UPP2: variants seen among roughly 807,000 people sequenced by gnomAD.
UPP2 encodes UPase 2.
A neutral mutation model predicts 26.7 loss-of-function variants in UPP2; 23 were observed. The observed-to-expected ratio is 0.86, with a 90% CI of 0.62 to 1.22. The LOEUF is 1.22. Among genes scored for constraint, UPP2 ranks in the 50% most tolerant of loss-of-function variants. UPP2 has a pLI of 0.00. For synonymous variants in UPP2, 127 were observed against 141.3 expected (o/e 0.90, Z 0.72); for missense variants, 387 against 396.7 (o/e 0.98, Z 0.21).
At chr2:158,035,342 A>C (rs1683984302) in intron 3 of UPP2, among the ~76,000 whole-genome samples, 1 of 151,962 alleles carries the variant, frequency 6.6e-6, no homozygotes, top group Non-Finnish European at 1.5e-5. Context: ...TTTTTAGTGG[A>C]TACGGGGTTT....
chr2:158,123,084 C>T (rs1032865750), intron 5 of UPP2, among the ~76,000 whole-genome samples: 1 of 152,186 alleles, frequency 6.6e-6, no homozygotes, highest in Non-Finnish European at 1.5e-5. Flanking sequence ...ATTAGGAGGT[C>T]TATTTCTGGG....
intron 3 of UPP2, among the ~76,000 whole-genome samples, chr2:158,091,539 A>G (rs754041002): frequency 3.5e-4 from 53 of 152,252 alleles, no homozygotes; most frequent in Non-Finnish European, 6.3e-4. Context: ...AATGCATGGT[A>G]TATTTGTTAC....
At chr2:158,087,485 C>T (rs1161953934) in intron 3 of UPP2, among the ~76,000 whole-genome samples, 2 of 152,142 alleles carry the variant, frequency 1.3e-5, no homozygotes, top group Non-Finnish European at 2.9e-5. Context: ...CATTTACATT[C>T]AATTTTAGTA....
intron 6 of UPP2, among the ~76,000 whole-genome samples, chr2:158,124,866 T>C (rs549439435): frequency 6.0e-4 from 91 of 152,232 alleles, no homozygotes; most frequent in Non-Finnish European, 1.1e-3. Flanking sequence ...GTAGTAGACA[T>C]CAAAATGGAG....
At position 158,070,671 on chromosome 2, in the gene UPP2, CAACT is replaced by C. The variant is rs1233780624; in HGVS notation, c.148-31363_148-31360del. 5.3e-5 allele frequency among the ~76,000 whole-genome samples: 8 copies of C among 152,312 alleles called. No homozygotes were observed. In the South Asian group the frequency reaches 1.5e-3, roughly 28 times the overall value. ...CCCCCAAAGGAACACAAAATTTTAA[CAACT>C]AACTACAAACAAAAATGCACTGTCA... On this transcript the variant is annotated intron_variant, in intron 3 of 9. Transcript: ENST00000605860.
chr2:158,045,052 C>T (rs1341956943), intron 3 of UPP2, among the ~76,000 whole-genome samples: 1 of 152,108 alleles, frequency 6.6e-6, no homozygotes, highest in Admixed American at 6.5e-5. Context: ...CACCTTTTTC[C>T]TGAATGTATT....
upstream of UPP2, among the ~76,000 whole-genome samples, chr2:158,098,181 C>T (rs1055322597): frequency 5.9e-5 from 9 of 152,086 alleles, no homozygotes; most frequent in Non-Finnish European, 1.3e-4. Flanking sequence ...AGGGTCTCCT[C>T]TTTTAATTAT....
chr2:158,055,898 T>C (rs1682238526), intron 3 of UPP2, among the ~76,000 whole-genome samples: 1 of 152,208 alleles, frequency 6.6e-6, no homozygotes, highest in Non-Finnish European at 1.5e-5. Context: ...CCTCCTTCCC[T>C]GGATGGCAAG....
At chr2:158,132,269 G>T (rs1466177783) in intron 6 of UPP2, among the ~76,000 whole-genome samples, 2 of 152,202 alleles carry the variant, frequency 1.3e-5, no homozygotes, top group African/African-American at 2.4e-5. Flanking sequence ...GAACAAGAGG[G>T]TCAGTCTGAC....
intron 3 of UPP2, among the ~76,000 whole-genome samples, chr2:158,063,330 C>T (rs1682381725): frequency 1.3e-5 from 2 of 152,218 alleles, no homozygotes; most frequent in South Asian, 2.1e-4. Flanking sequence ...TGATTCATTG[C>T]TGTATTCTTA....
In UPP2 at chr2:158,038,076, C is replaced by T. The variant is rs375158758; in HGVS notation, c.147+22190C>T. Among the ~76,000 whole-genome samples the T allele has an allele frequency of 1.4e-4, 21 of 152,300 alleles. 1 individual carries two copies. Among genetic ancestry groups the T allele is most frequent in the African/African-American group, 2.6e-4 (11 of 41,558 alleles). Reference sequence around the variant, plus strand: ...CTGCTCTGATTAGAATGTCAACAGTCGCCTAAAAGACAAAGGCTCTATATT... The same window carrying T: ...CTGCTCTGATTAGAATGTCAACAGTTGCCTAAAAGACAAAGGCTCTATATT... On this transcript the variant is annotated intron_variant, in intron 3 of 9. Transcript: ENST00000605860.
In UPP2 at chr2:158,134,853, C is replaced by T. The variant is rs866717976; in HGVS notation, c.917C>T (p.Ser306Phe). The T allele has an allele frequency of 6.2e-7, 1 of 1,613,606 alleles. No individual in the cohort carries two copies. Among genetic ancestry groups the T allele is most frequent in the Non-Finnish European group, 8.5e-7 (1 of 1,179,772 alleles). The change falls in exon 7 of 7, where the codon TCC (serine) becomes TTC (phenylalanine). Residue 306 changes from serine (S) to phenylalanine (F), a missense_variant. Ser to Phe is a radical substitution (Grantham distance 155). Coordinates refer to ENST00000005756, the MANE Select transcript of UPP2 (RefSeq NM_173355.4). The stretch of plus-strand genomic sequence containing the variant: ...CAGCAACGGCCTCAGCTCCTAATCT[C>T]CAACTTCATCAGACGGCGGCTTGGA... ...EYQQRPQLLI[S>F]NFIRRRLGLC...
At chr2:158,128,861 T>C (rs573501061) in intron 6 of UPP2, among the ~76,000 whole-genome samples, 24 of 151,318 alleles carry the variant, frequency 1.6e-4, no homozygotes, top group African/African-American at 5.2e-4. Flanking sequence ...GACTTAGTGA[T>C]GGGATCAAAT....
chr2:158,108,530 G>A (rs936005900), intron 2 of UPP2, among the ~76,000 whole-genome samples: 1 of 152,002 alleles, frequency 6.6e-6, no homozygotes, highest in Admixed American at 6.6e-5. Flanking sequence ...AAATTATTGG[G>A]ATGGAAAGCT....
At chr2:158,005,372 A>G (rs1366047036) in intron 2 of UPP2, among the ~76,000 whole-genome samples, 1 of 152,216 alleles carries the variant, frequency 6.6e-6, no homozygotes. Flanking sequence ...TTTAAGCAGG[A>G]GAACGACTTG....
intron 3 of UPP2, among the ~76,000 whole-genome samples, chr2:158,044,221 G>C (rs1303629174): frequency 6.6e-6 from 1 of 152,162 alleles, no homozygotes; most frequent in Admixed American, 6.5e-5. Context: ...GAAAATGAGA[G>C]AGCAAGCACA....
At chr2:158,002,932 T>A (rs747542029) in intron 2 of UPP2, among the ~76,000 whole-genome samples, 9 of 152,074 alleles carry the variant, frequency 5.9e-5, no homozygotes, top group Non-Finnish European at 1.2e-4. Context: ...TTTTCTTTCA[T>A]CTCTCATGTT....
At chr2:158,004,598 G>T (rs111640197) in intron 2 of UPP2, among the ~76,000 whole-genome samples, 1 of 152,148 alleles carries the variant, frequency 6.6e-6, no homozygotes, top group African/African-American at 2.4e-5. Context: ...AACAAAACAG[G>T]CTCTCCCCTC....
At chr2:158,026,831 C>A (rs1208032363) in intron 3 of UPP2, among the ~76,000 whole-genome samples, 2 of 152,010 alleles carry the variant, frequency 1.3e-5, no homozygotes, top group Non-Finnish European at 2.9e-5. Flanking sequence ...GCCGGAGAGA[C>A]CTCAGAATCA....
Sources: gnomAD v4.1 joint callset for allele counts (sites outside exome capture counted in the v4.1 genomes callset) on GRCh38, gnomAD v4.1.1 for gene constraint, MANE v1.5 for transcripts, NCBI Gene and HGNC (gene_info 2026-07-23, HGNC 2026-07-21) for gene names.